The following CFAP251 variants were observed in gnomAD, a reference collection of about 807,000 sequenced individuals.
CFAP251 encodes cilia- and flagella-associated protein 251.
In CFAP251, 93 loss-of-function variants were observed where a neutral mutation model predicts 126.7. That is an observed-to-expected ratio of 0.73 (90% CI 0.62 to 0.87). The LOEUF is 0.87. Among genes scored for constraint, CFAP251 ranks in the 40% least tolerant of loss-of-function variants. The pLI is 0.00. For synonymous variants in CFAP251, 503 were observed against 506.9 expected, an observed-to-expected ratio of 0.99 and a Z score of 0.10; for missense variants, 1,287 against 1,389.2, an observed-to-expected ratio of 0.93 and a Z score of 1.17.
rs770140012 is a variant in CFAP251, at chr12:121,921,622, C to A, written c.317C>A (p.Ser106Tyr). The change falls in exon 2 of 22, where the codon TCC (serine) becomes TAC (tyrosine). Residue 106 changes from serine to tyrosine, a missense_variant. Transcript: ENST00000288912. ...TTVEPQEVTA[S>Y]MIRLETQITD... ...GTAGAGCCCCAAGAAGTCACAGCGT[C>A]CATGATCCGTTTGGAGACACAGATT... 1.9e-6 allele frequency: 3 copies of A among 1,613,794 alleles called. No individual in the cohort carries two copies. Among genetic ancestry groups the A allele is most frequent in the African/African-American group, 1.3e-5 (1 of 74,892 alleles).
intron 7 of CFAP251, among the ~76,000 whole-genome samples, chr12:121,944,686 T>C (rs561154975): frequency 6.6e-6 from 1 of 152,364 alleles, no homozygotes; most frequent in East Asian, 1.9e-4. Context: ...AGATTGTTCA[T>C]TGCTAGTGTA....
In CFAP251 at chr12:121,934,494, A is replaced by T. The variant is rs910080951; in HGVS notation, c.998+138A>T. ...TTCCACAGTAGACTGGCTTATGCTGACTCACACTAACCTAGCTCACACAAG... is the reference window on the plus strand; with the variant it reads ...TTCCACAGTAGACTGGCTTATGCTGTCTCACACTAACCTAGCTCACACAAG... On this transcript the variant is annotated intron_variant, in intron 5 of 21. Transcript: ENST00000288912. The T allele has an allele frequency of 1.8e-5, 11 of 611,632 alleles. No individual in the cohort carries two copies. In the South Asian group the frequency reaches 2.0e-4, roughly 11 times the overall value. The allele number at this position is 611,632 out of a possible 1,614,324, so 37.9% of individuals were successfully genotyped here.
In CFAP251 at chr12:121,920,418, ACGGAGTCTCGCTGTGTTGC is replaced by A. The variant is rs1262626812; in HGVS notation, c.-20-866_-20-848del. Among the ~76,000 whole-genome samples, 10 of 139,676 alleles carry A rather than the reference ACGGAGTCTCGCTGTGTTGC, an allele frequency of 7.2e-5. No individual in the cohort carries two copies. In the East Asian group the frequency reaches 2.0e-3, roughly 28 times the overall value. 91.6% of individuals were successfully genotyped at this position (139,676 alleles called of 152,430 possible). A position where few individuals can be genotyped will look rare whatever the true frequency, so the allele number is the denominator to read the frequency against. On this transcript the variant is annotated intron_variant, in intron 1 of 21. Transcript: ENST00000288912. ...TTTGTATTTTTTTTTTTTTTTTGAG[ACGGAGTCTCGCTGTGTTGC>A]CCAGGCTGGAGTGCAGTGGCACGAT...
At chr12:122,001,774 C>A (rs1037698813) in intron 21 of CFAP251, 176 bp downstream of exon 21, 5 of 630,380 alleles carry the variant, frequency 7.9e-6, no homozygotes, top group African/African-American at 5.4e-5. Flanking sequence ...TGAGTGGTGG[C>A]TTTTGTTCCC....
intron 19 of CFAP251, among the ~76,000 whole-genome samples, chr12:121,983,323 G>A (rs1418103286): frequency 2.0e-5 from 3 of 148,868 alleles, no homozygotes; most frequent in Non-Finnish European, 4.5e-5. Context: ...GATCCCAGGT[G>A]CTGTAGGCTG....
chr12:121,930,632 C>T (rs1328329363), intron 3 of CFAP251, among the ~76,000 whole-genome samples: 2 of 151,922 alleles, frequency 1.3e-5, no homozygotes, highest in African/African-American at 4.8e-5. Context: ...GGGTTTATTC[C>T]AGGCAATACA....
chr12:121,949,014 A>G lies in CFAP251; in HGVS notation c.1222A>G (p.Lys408Glu), dbSNP rs745354807. The stretch of plus-strand genomic sequence containing the variant: ...CGTTACTTTTAACCCAACAAATAAT[A>G]AAGAATTGGTGAGCAATAGTAAAAC... ...NYVTFNPTNN[K>E]ELVSNSKTRA... Residue 408 changes from lysine to glutamate, a missense_variant, in exon 8 of 22, where the codon AAA (lysine) becomes GAA (glutamate). Coordinates refer to ENST00000288912, the MANE Select transcript of CFAP251 (RefSeq NM_144668.6). 6 of 1,586,332 alleles carry G rather than the reference A, an allele frequency of 3.8e-6. No homozygotes were observed. The highest frequency in any genetic ancestry group is 5.1e-6 in the Non-Finnish European group (6 of 1,165,984).
chr12:121,937,236 G>A (rs1050635946), intron 5 of CFAP251, among the ~76,000 whole-genome samples: 5 of 152,100 alleles, frequency 3.3e-5, no homozygotes, highest in South Asian at 2.1e-4. Flanking sequence ...TGCTGGCTGC[G>A]GGTGACCCTT....
chr12:121,919,506 A>G (rs768481310), intron 1 of CFAP251, among the ~76,000 whole-genome samples: 10 of 152,174 alleles, frequency 6.6e-5, no homozygotes, highest in Non-Finnish European at 1.3e-4. Context: ...CAGAATTGTG[A>G]TGAGCATTTT....
chr12:121,986,681 C>T (rs1395723451), intron 19 of CFAP251, among the ~76,000 whole-genome samples: 6 of 150,818 alleles, frequency 4.0e-5, no homozygotes, highest in Admixed American at 6.6e-5. Context: ...GGGAGGATCA[C>T]ATGAGCCCAG....
chr12:121,968,049 C>T lies in CFAP251; in HGVS notation c.2651C>T (p.Thr884Ile). The change falls in exon 17 of 22, where the codon ACA becomes ATA. Residue 884 changes from threonine to isoleucine, a missense_variant. Coordinates refer to ENST00000288912, the MANE Select transcript of CFAP251 (RefSeq NM_144668.6). ...ILPVDGNPHK[T>I]SAIVCHPNGV... Reference sequence around the variant, plus strand: ...CCAGTTGACGGCAATCCACATAAGACATCTGCTATTGTTTGCCACCCGAAC... The same window carrying T: ...CCAGTTGACGGCAATCCACATAAGATATCTGCTATTGTTTGCCACCCGAAC... The T allele has an allele frequency of 1.9e-6, 3 of 1,613,178 alleles. No individual in the cohort carries two copies. The highest frequency in any genetic ancestry group is 1.3e-5 in the African/African-American group (1 of 74,996).
At position 121,974,742 on chromosome 12, in the gene CFAP251, TAGAG is replaced by T. The variant is rs1882414620; in HGVS notation, c.2772-499_2772-496del. Among the ~76,000 whole-genome samples, 1 of 152,226 alleles carries T rather than the reference TAGAG, an allele frequency of 6.6e-6. No homozygotes were observed. The highest frequency in any genetic ancestry group is 1.5e-5 in the Non-Finnish European group (1 of 68,048). On this transcript the variant is annotated intron_variant, in intron 17 of 21. Transcript: ENST00000288912. This position sits in a 1 kb window ranked among gnomAD's most constrained non-coding sequence, Gnocchi z 4.6. ...ATTTTTGGAAAGTCTGACCTTGAGT[TAGAG>T]AGCAGAGGGTTATTTTTATCTGACT... is the stretch of plus-strand genomic sequence containing the variant.
intron 17 of CFAP251, among the ~76,000 whole-genome samples, chr12:121,973,144 CCGGCATCCCAGCCACT>C (rs1882378279): frequency 6.6e-6 from 1 of 152,144 alleles, no homozygotes; most frequent in Non-Finnish European, 1.5e-5. Context: ...GACTTGGTGC[CCGGCATCCCAGCCACT>C]CCAGTCATGG....
chr12:121,940,857 G>T (rs1053557141), intron 5 of CFAP251, among the ~76,000 whole-genome samples: 1 of 152,124 alleles, frequency 6.6e-6, no homozygotes, highest in African/African-American at 2.4e-5. Context: ...ACAGTTTGGA[G>T]TCTATTCCTC....
chr12:121,924,285 T>A (rs542952869), intron 3 of CFAP251, among the ~76,000 whole-genome samples: 1 of 152,110 alleles, frequency 6.6e-6, no homozygotes, highest in East Asian at 1.9e-4. Context: ...AATTTTTGTA[T>A]TTTTAGTAGA....
rs1195742428 is a variant in CFAP251 at position 121,967,003 on chromosome 12, A to AG, written c.2542dup (p.Val848GlyfsTer19). ...ATGGTTCCCCTATTGAGCAGACACAAGTCCTCCCAGTGAGAAGCATGGCGG... is the reference window on the plus strand; with the variant it reads ...ATGGTTCCCCTATTGAGCAGACACAAGGTCCTCCCAGTGAGAAGCATGGCGG... On this transcript the variant is annotated frameshift_variant, in exon 16 of 22. Transcript: ENST00000288912. LOFTEE classifies it high-confidence loss of function. 6.2e-7 allele frequency: 1 copy of AG among 1,614,124 alleles called. No homozygotes were observed. Among genetic ancestry groups the AG allele is most frequent in the African/African-American group, 1.3e-5 (1 of 74,950 alleles).
At chr12:121,962,713 G>GGAAAAA in intron 15 of CFAP251, among the ~76,000 whole-genome samples, 1 of 149,252 alleles carries the variant, frequency 6.7e-6, no homozygotes, top group African/African-American at 2.4e-5. Flanking sequence ...AAAAAAAAAA[G>GGAAAAA]GAAAAGGAAA....
At chr12:121,991,437 G>A (rs1882872220) in intron 19 of CFAP251, among the ~76,000 whole-genome samples, 1 of 152,220 alleles carries the variant, frequency 6.6e-6, no homozygotes, top group Non-Finnish European at 1.5e-5. Context: ...AAGAGCAGCA[G>A]TATTCAAAGT....
At chr12:121,966,888 C>A in intron 15 of CFAP251, 67 bp from the exon 16 acceptor site, 1 of 1,513,670 alleles carries the variant, frequency 6.6e-7, no homozygotes, top group South Asian at 1.1e-5. Context: ...CTGGCCCGAC[C>A]AAAGAATCTT....
Sources: allele counts gnomAD v4.1 joint callset (sites outside exome capture counted in the v4.1 genomes callset), GRCh38; gene constraint gnomAD v4.1.1; non-coding constraint Gnocchi (gnomAD v3.1); transcripts MANE v1.5; gene names NCBI Gene and HGNC (gene_info 2026-07-23, HGNC 2026-07-21).